CA10: variants seen among roughly 807,000 people sequenced by gnomAD.
CA10 encodes carbonic anhydrase 10 (inactive).
Under a neutral mutation model 44.2 loss-of-function variants are expected in CA10, and 14 were observed. That is an observed-to-expected ratio of 0.32 (90% CI 0.21 to 0.50). CA10 has a LOEUF of 0.50. Ranked by LOEUF, CA10 falls within the 20% of genes least tolerant of loss-of-function variation. CA10 has a pLI of 0.99. For synonymous variants in CA10, 159 were observed against 141.6 expected, an observed-to-expected ratio of 1.12 and a Z score of -0.87; for missense variants, 350 against 409.7, an observed-to-expected ratio of 0.85 and a Z score of 1.26.
intron 1 of CA10, among the ~76,000 whole-genome samples, chr17:52,134,108 G>A (rs535316427): frequency 4.6e-5 from 7 of 152,242 alleles, no homozygotes; most frequent in Admixed American, 1.3e-4. Context: ...CACTCTATAC[G>A]TTATTAATCT....
chr17:51,633,794 T>C lies in CA10; in HGVS notation c.790-144A>G, dbSNP rs887058813. The C allele has an allele frequency of 7.4e-6, 6 of 814,712 alleles. No individual in the cohort carries two copies. In the East Asian group the frequency reaches 8.1e-5, roughly 11 times the overall value. 50.5% of individuals were successfully genotyped at this position (814,712 alleles called of 1,614,324 possible). Reference sequence around the variant, plus strand: ...TATAAGCCCCACAGAGTCCCTTTTTTCCATGGGTTCAGTTGAGCTGAAGGC... The same window carrying C: ...TATAAGCCCCACAGAGTCCCTTTTTCCCATGGGTTCAGTTGAGCTGAAGGC... On this transcript the variant is annotated intron_variant, in intron 7 of 8. Coordinates refer to ENST00000451037, the MANE Select transcript of CA10 (RefSeq NM_020178.5).
At chr17:51,931,162 G>C in intron 2 of CA10, 30 bp from the exon 3 acceptor site, 1 of 1,610,276 alleles carries the variant, frequency 6.2e-7, no homozygotes, top group Non-Finnish European at 8.5e-7. Flanking sequence ...ATAGAATTAG[G>C]CTGAGTAGCA....
intron 1 of CA10, among the ~76,000 whole-genome samples, chr17:52,075,829 G>A (rs569422125): frequency 2.9e-4 from 44 of 152,170 alleles, no homozygotes; most frequent in Admixed American, 2.7e-3. Context: ...AGAGGATAGC[G>A]CTTTGTCTAA....
chr17:51,877,694 A>C (rs1172878131), intron 3 of CA10, among the ~76,000 whole-genome samples: 1 of 152,200 alleles, frequency 6.6e-6, no homozygotes, highest in African/African-American at 2.4e-5. Flanking sequence ...TGGTGCAAAC[A>C]TCTCTAAATG....
rs2143993459 is a variant in CA10 at position 51,930,866 on chromosome 17, AAGTCTGTG to A, written c.279+116_279+123del. Reference sequence around the variant, plus strand: ...TTTCTATCTAATGGCGGCAGGTCTGAAGTCTGTGGTATTCCTAGGTGGGAGGACAAACT... The same window carrying A: ...TTTCTATCTAATGGCGGCAGGTCTGAGTATTCCTAGGTGGGAGGACAAACT... On this transcript the variant is annotated intron_variant, in intron 3 of 8. Transcript: ENST00000451037. 21 of 1,114,552 alleles carry A rather than the reference AAGTCTGTG, an allele frequency of 1.9e-5. No individual in the cohort carries two copies. The South Asian group carries it at 3.1e-4, about 17-fold the overall frequency. 69.0% of individuals were successfully genotyped at this position (1,114,552 alleles called of 1,614,324 possible).
At chr17:51,881,104 G>A (rs948816451) in intron 3 of CA10, among the ~76,000 whole-genome samples, 3 of 151,910 alleles carry the variant, frequency 2.0e-5, no homozygotes, top group African/African-American at 7.3e-5. Flanking sequence ...GCCAGGCATG[G>A]TGGCTGGCGC....
chr17:52,098,720 T>G (rs1056613587), intron 1 of CA10, among the ~76,000 whole-genome samples: 1 of 152,170 alleles, frequency 6.6e-6, no homozygotes, highest in African/African-American at 2.4e-5. Context: ...TACCTACCTG[T>G]TCCTCTACCG....
chr17:51,958,890 T>C (rs554184087), intron 2 of CA10, among the ~76,000 whole-genome samples: 104 of 152,266 alleles, frequency 6.8e-4, no homozygotes, highest in Non-Finnish European at 1.2e-3. Flanking sequence ...CCATTTTCCA[T>C]TGATTACAAA....
chr17:51,646,873 G>T (rs1332603311), intron 6 of CA10, among the ~76,000 whole-genome samples: 1 of 152,190 alleles, frequency 6.6e-6, no homozygotes, highest in Non-Finnish European at 1.5e-5. Flanking sequence ...CTCCCTTCAG[G>T]TATGTGACAA....
chr17:51,982,254 C>T (rs1008615075), intron 2 of CA10, among the ~76,000 whole-genome samples: 3 of 151,890 alleles, frequency 2.0e-5, no homozygotes, highest in Non-Finnish European at 2.9e-5. Flanking sequence ...CTGTGTGCAA[C>T]CTTCCCCCTC....
chr17:51,700,904 C>A (rs1035837758), intron 4 of CA10, among the ~76,000 whole-genome samples: 2 of 151,980 alleles, frequency 1.3e-5, no homozygotes, highest in African/African-American at 4.8e-5. Flanking sequence ...ACCACACACC[C>A]CGGGGCCTAT....
chr17:51,749,364 T>C (rs919272946), intron 3 of CA10, among the ~76,000 whole-genome samples: 1 of 152,236 alleles, frequency 6.6e-6, no homozygotes, highest in Non-Finnish European at 1.5e-5. Context: ...GCGTGTTTTC[T>C]TCACTTCTTC....
At chr17:52,065,711 G>A (rs1231465939) in intron 2 of CA10, among the ~76,000 whole-genome samples, 1 of 152,142 alleles carries the variant, frequency 6.6e-6, no homozygotes, top group African/African-American at 2.4e-5. Flanking sequence ...CCATAATCAG[G>A]CCCCTGCTGC....
At chr17:51,672,343 A>T (rs867871796) in intron 4 of CA10, among the ~76,000 whole-genome samples, 17 of 152,188 alleles carry the variant, frequency 1.1e-4, no homozygotes, top group Admixed American at 1.3e-4. Context: ...TGTTTTGCAA[A>T]CGAGTAACTA....
intron 2 of CA10, among the ~76,000 whole-genome samples, chr17:51,951,768 A>G (rs1054962003): frequency 1.3e-5 from 2 of 152,176 alleles, no homozygotes; most frequent in Non-Finnish European, 2.9e-5. Context: ...AGTTGCTACC[A>G]TACTGAACAA....
chr17:51,849,120 T>C (rs1188955657), intron 3 of CA10, among the ~76,000 whole-genome samples: 1 of 145,066 alleles, frequency 6.9e-6, no homozygotes, highest in African/African-American at 2.5e-5. Context: ...TGTGTGTATA[T>C]ATATAAATAT....
rs565846370 is a variant in CA10, at chr17:51,919,024, G to A, written c.279+11966C>T. Among the ~76,000 whole-genome samples, 5 of 152,172 alleles carry A rather than the reference G, an allele frequency of 3.3e-5. No individual in the cohort carries two copies. In the East Asian group the frequency reaches 7.7e-4, roughly 24 times the overall value. On this transcript the variant is annotated intron_variant, in intron 3 of 8. Coordinates refer to ENST00000451037, the MANE Select transcript of CA10 (RefSeq NM_020178.5). ...CTACGCTGCATAGACTCCTCAAATTGCATTATTTATTCCAGTTTTTCAGTT... is the reference window on the plus strand; with the variant it reads ...CTACGCTGCATAGACTCCTCAAATTACATTATTTATTCCAGTTTTTCAGTT...
chr17:52,066,465 T>C (rs1463963861), intron 2 of CA10, among the ~76,000 whole-genome samples: 1 of 152,188 alleles, frequency 6.6e-6, no homozygotes, highest in East Asian at 1.9e-4. Context: ...AATTGAATCA[T>C]GGGTGCAGTT....
intron 3 of CA10, among the ~76,000 whole-genome samples, chr17:51,805,331 T>C (rs1042742138): frequency 6.6e-6 from 1 of 152,176 alleles, no homozygotes; most frequent in African/African-American, 2.4e-5. Context: ...AGTAAAAGTC[T>C]CTCCCTTAAG....
Sources: allele counts gnomAD v4.1 joint callset (sites outside exome capture counted in the v4.1 genomes callset), GRCh38; gene constraint gnomAD v4.1.1; transcripts MANE v1.5; gene names NCBI Gene and HGNC (gene_info 2026-07-23, HGNC 2026-07-21).